Variants in SBF2 observed in about 807,000 individuals in gnomAD.
SBF2 encodes the protein SET binding factor 2.
A neutral mutation model predicts 225.2 loss-of-function variants in SBF2; 112 were observed. That is an observed-to-expected ratio of 0.50 (90% CI 0.43 to 0.58). The LOEUF is 0.58. Among genes scored for constraint, SBF2 ranks in the 20% least tolerant of loss-of-function variants. SBF2 has a pLI of 0.00. For synonymous variants in SBF2, 763 were observed against 773.3 expected (o/e 0.99, Z 0.22); for missense variants, 1,996 against 2,206.2 (o/e 0.90, Z 1.91).
At chr11:10,175,467 C>T (rs1341296816) in intron 2 of SBF2, among the ~76,000 whole-genome samples, 1 of 150,982 alleles carries the variant, frequency 6.6e-6, no homozygotes, top group Non-Finnish European at 1.5e-5. Flanking sequence ...GCTAACTATC[C>T]TAAATATATA....
At chr11:9,920,213 T>C (rs1461350038) in intron 16 of SBF2, among the ~76,000 whole-genome samples, 1 of 151,206 alleles carries the variant, frequency 6.6e-6, no homozygotes, top group Non-Finnish European at 1.5e-5. Flanking sequence ...TGTATATATA[T>C]ATATATACAC....
At chr11:9,953,305 G>A (rs1427982739) in intron 16 of SBF2, among the ~76,000 whole-genome samples, 8 of 152,086 alleles carry the variant, frequency 5.3e-5, no homozygotes, top group East Asian at 1.9e-4. Context: ...TTGGCCAGGC[G>A]TGGTGGCATG....
chr11:9,869,027 AC>A lies in SBF2; in HGVS notation c.1930-10632del, dbSNP rs369706376. 3.3e-5 allele frequency among the ~76,000 whole-genome samples: 5 copies of A among 152,380 alleles called. 1 individual carries two copies. Among genetic ancestry groups the A allele is most frequent in the African/African-American group, 1.2e-4 (5 of 41,596 alleles). On this transcript the variant is annotated intron_variant, in intron 17 of 39. Transcript: ENST00000256190. ...TACTTCCTCACTCATTAGTTAGAGT[AC>A]TTCGATCAAGAGAAACTTTCCCTTA...
In SBF2 at chr11:10,058,934, C is replaced by T. The variant is rs10770085; in HGVS notation, c.142-15953G>A. Among the ~76,000 whole-genome samples, 14 of 151,940 alleles carry T rather than the reference C, an allele frequency of 9.2e-5. 1 individual carries two copies. The South Asian group carries it at 2.7e-3, about 29-fold the overall frequency. ...AAGCTTCCTATATGATGGAGAAATA[C>T]GATCCTTTTCAGATAAGCAAATACT... On this transcript the variant is annotated intron_variant, in intron 2 of 39. Coordinates refer to ENST00000256190, the MANE Select transcript of SBF2 (RefSeq NM_030962.4).
intron 14 of SBF2, among the ~76,000 whole-genome samples, chr11:9,964,599 A>T (rs1866781014): frequency 6.6e-6 from 1 of 152,216 alleles, no homozygotes; most frequent in South Asian, 2.1e-4. Flanking sequence ...GAAAGAAAGT[A>T]GTGCAAACAA....
At chr11:10,082,608 T>C (rs1023518726) in intron 2 of SBF2, among the ~76,000 whole-genome samples, 2 of 152,084 alleles carry the variant, frequency 1.3e-5, no homozygotes, top group Non-Finnish European at 2.9e-5. Flanking sequence ...TGTGATTCAC[T>C]AGATAAACAC....
At chr11:10,036,111 G>A (rs938458975) in intron 3 of SBF2, among the ~76,000 whole-genome samples, 3 of 152,166 alleles carry the variant, frequency 2.0e-5, no homozygotes, top group Non-Finnish European at 2.9e-5. Context: ...GTCCTTTGTA[G>A]GGACATGGAT....
At chr11:10,138,325 T>C (rs1954481401) in intron 2 of SBF2, among the ~76,000 whole-genome samples, 1 of 152,184 alleles carries the variant, frequency 6.6e-6, no homozygotes, top group South Asian at 2.1e-4. Context: ...CTATAGGGTC[T>C]CTAGTGATAT....
chr11:9,836,950 T>G (rs1855767376), intron 26 of SBF2, among the ~76,000 whole-genome samples: 1 of 152,198 alleles, frequency 6.6e-6, no homozygotes, highest in Non-Finnish European at 1.5e-5. Context: ...TCAGTGACCT[T>G]GTACTAAATC....
intron 2 of SBF2, among the ~76,000 whole-genome samples, chr11:10,063,858 C>CACACACACACAGAGAGAG (rs373423157): frequency 7.3e-6 from 1 of 136,172 alleles, no homozygotes; most frequent in Non-Finnish European, 1.6e-5. Context: ...CACACACACA[C>CACACACACACAGAGAGAG]AGAGAGAGAG....
At chr11:9,858,097 G>A in intron 18 of SBF2, 129 bp downstream of exon 18, 1 of 929,326 alleles carries the variant, frequency 1.1e-6, no homozygotes, top group East Asian at 2.4e-5. Context: ...GATATCACAG[G>A]GCTCCCTAAA....
intron 30 of SBF2, among the ~76,000 whole-genome samples, chr11:9,812,111 T>C (rs1247368626): frequency 6.6e-6 from 1 of 151,874 alleles, no homozygotes; most frequent in Non-Finnish European, 1.5e-5. Flanking sequence ...GGATCTAAAA[T>C]CTAGAGACCT....
chr11:9,934,669 T>C (rs1018438767), intron 16 of SBF2, among the ~76,000 whole-genome samples: 8 of 152,164 alleles, frequency 5.3e-5, no homozygotes, highest in Non-Finnish European at 1.0e-4. Flanking sequence ...AATCAATAAA[T>C]GTAATCTATC....
At chr11:9,888,818 T>C (rs1860554911) in intron 17 of SBF2, among the ~76,000 whole-genome samples, 1 of 152,246 alleles carries the variant, frequency 6.6e-6, no homozygotes, top group African/African-American at 2.4e-5. Flanking sequence ...GTGAGTCCTG[T>C]TCTGACATTT....
intron 1 of SBF2, among the ~76,000 whole-genome samples, chr11:10,221,935 T>A (rs1015841010): frequency 5.3e-5 from 8 of 152,146 alleles, no homozygotes; most frequent in African/African-American, 1.9e-4. Context: ...AGACCACAGT[T>A]GCTGAAAAGT....
chr11:9,884,287 T>C (rs1160228695), intron 17 of SBF2, among the ~76,000 whole-genome samples: 1 of 152,224 alleles, frequency 6.6e-6, no homozygotes, highest in Non-Finnish European at 1.5e-5. Context: ...TGAAATGCTC[T>C]ATGCTAGATA....
At chr11:9,798,257 C>T (rs901855057) in intron 32 of SBF2, among the ~76,000 whole-genome samples, 2 of 152,128 alleles carry the variant, frequency 1.3e-5, no homozygotes, top group African/African-American at 4.8e-5. Context: ...TGGCTCCTTT[C>T]TTAAGCATTG....
At chr11:10,103,217 T>C (rs1478953314) in intron 2 of SBF2, among the ~76,000 whole-genome samples, 4 of 152,196 alleles carry the variant, frequency 2.6e-5, no homozygotes. Context: ...TCCAGTGTTT[T>C]AAACCTTTGA....
intron 1 of SBF2, among the ~76,000 whole-genome samples, chr11:10,227,169 G>A (rs11042676): frequency 0.39 from 59,838 of 151,536 alleles, 12,788 homozygotes; most frequent in Non-Finnish European, 0.48. Context: ...TTTTGATGGG[G>A]TTGTTTTTTT....
Sources: allele counts gnomAD v4.1 joint callset (sites outside exome capture counted in the v4.1 genomes callset), GRCh38; gene constraint gnomAD v4.1.1; transcripts MANE v1.5; gene names NCBI Gene and HGNC (gene_info 2026-07-23, HGNC 2026-07-21).